Variants in USP47 observed in about 807,000 individuals in gnomAD.
USP47 encodes ubiquitin specific peptidase 47.
A neutral mutation model predicts 165.1 loss-of-function variants in USP47; 35 were observed. The ratio of observed to expected loss-of-function variants is 0.21; its 90% CI spans 0.16 to 0.28. The LOEUF (loss-of-function observed/expected upper bound fraction) is 0.28, where lower values mean the gene tolerates loss of function less well. Among genes scored for constraint, USP47 ranks in the 10% least tolerant of loss-of-function variants. The pLI is 1.00. For synonymous variants in USP47, 531 were observed against 544.5 expected (o/e 0.98, Z 0.35); for missense variants, 1,277 against 1,607.4 (o/e 0.79, Z 3.52).
intron 1 of USP47, among the ~76,000 whole-genome samples, chr11:11,845,553 C>T (rs1848380386): frequency 2.0e-5 from 3 of 151,340 alleles, no homozygotes. Context: ...GTTGTGAATT[C>T]CTTGACAGCA....
At chr11:11,863,880 G>T (rs1849518470) in intron 1 of USP47, among the ~76,000 whole-genome samples, 1 of 151,970 alleles carries the variant, frequency 6.6e-6, no homozygotes, top group South Asian at 2.1e-4. Context: ...GCAGTACAAG[G>T]TATCCCAAAT....
rs1564894305 is a variant in USP47, at chr11:11,948,513, A to AT, written c.3303_3304insT (p.Glu1102Ter). On this transcript the variant is annotated frameshift_variant, in exon 22 of 28. Transcript: ENST00000527733. LOFTEE classifies it high-confidence loss of function. ...GACTGGGGAGAGCACTTAAAAAAGG[A>AT]GAATACAGAGTTAAAGTATACCAGC... 1 of 1,613,210 alleles carries AT rather than the reference A, an allele frequency of 6.2e-7. No homozygotes were observed. Among genetic ancestry groups the AT allele is most frequent in the Admixed American group, 1.7e-5 (1 of 59,982 alleles).
chr11:11,943,311 T>C, intron 20 of USP47, 199 bp downstream of exon 20: 1 of 435,892 alleles, frequency 2.3e-6, no homozygotes, highest in South Asian at 9.0e-5. Context: ...ATCAGAACTC[T>C]GAGATAAGAA....
intron 1 of USP47, among the ~76,000 whole-genome samples, chr11:11,879,233 C>G (rs1000541859): frequency 3.9e-5 from 6 of 151,978 alleles, no homozygotes; most frequent in Non-Finnish European, 8.8e-5. Flanking sequence ...GGAGGTAGTT[C>G]AAGAGATATT....
intron 3 of USP47, among the ~76,000 whole-genome samples, chr11:11,885,554 C>G (rs1018979289): frequency 6.6e-6 from 1 of 152,098 alleles, no homozygotes; most frequent in Non-Finnish European, 1.5e-5. Flanking sequence ...CAGGAGCCCA[C>G]GCCACCAGGG....
At chr11:11,848,585 T>TA in intron 1 of USP47, among the ~76,000 whole-genome samples, 1 of 151,948 alleles carries the variant, frequency 6.6e-6, no homozygotes, top group Non-Finnish European at 1.5e-5. Flanking sequence ...TTTTGATACT[T>TA]ACTTCCATAT....
chr11:11,936,335 T>C lies in USP47; in HGVS notation c.1902T>C (p.Asp634=). ...ATTTAGAAGAGGTAATACCCCTGGA[T>C]TGCTGTCGCCTTGTTAAATATGATG... ...MMDLEEVIPL[D]CCRLVKYDEF... The change falls in exon 17 of 28, where the codon GAT becomes GAC. Residue 634 remains aspartate (D), a synonymous_variant. Coordinates refer to ENST00000527733, the MANE Select transcript of USP47 (RefSeq NM_001282659.2). The C allele has an allele frequency of 6.2e-7, 1 of 1,603,826 alleles. No individual in the cohort carries two copies. The highest frequency in any genetic ancestry group is 8.5e-7 in the Non-Finnish European group (1 of 1,173,566).
At chr11:11,916,870 CCAGT>C (rs1853459187) in intron 8 of USP47, among the ~76,000 whole-genome samples, 1 of 152,112 alleles carries the variant, frequency 6.6e-6, no homozygotes, top group Non-Finnish European at 1.5e-5. Flanking sequence ...TGAATTGAGG[CCAGT>C]CACAGTGGCT....
intron 1 of USP47, 79 bp from the exon 2 acceptor site, chr11:11,880,098 C>T: frequency 1.0e-6 from 1 of 1,002,054 alleles, no homozygotes; most frequent in Non-Finnish European, 1.4e-6. Context: ...TACATTTAAT[C>T]ATAAAATTTT....
chr11:11,951,681 A>G (rs1856236575), intron 24 of USP47: 1 of 152,166 alleles, frequency 6.6e-6, no homozygotes, highest in African/African-American at 2.4e-5. Flanking sequence ...TAATACTAAC[A>G]CCTCATGTAT....
At chr11:11,922,225 A>C (rs1419325343) in intron 10 of USP47, among the ~76,000 whole-genome samples, 1 of 151,956 alleles carries the variant, frequency 6.6e-6, no homozygotes, top group African/African-American at 2.4e-5. Context: ...TACTTCCTGT[A>C]AAAAGACTAT....
intron 11 of USP47, among the ~76,000 whole-genome samples, chr11:11,926,326 G>T (rs1159853306): frequency 3.3e-5 from 5 of 152,056 alleles, no homozygotes; most frequent in Admixed American, 2.6e-4. Context: ...TCTTTGTTGG[G>T]AGGTTTTTGA....
chr11:11,928,633 C>T (rs1263890236), intron 11 of USP47, among the ~76,000 whole-genome samples: 1 of 151,938 alleles, frequency 6.6e-6, no homozygotes, highest in East Asian at 1.9e-4. Flanking sequence ...TTCTGTCTTC[C>T]TACCTGTTCT....
At chr11:11,907,840 A>T (rs1852673352) in intron 8 of USP47, among the ~76,000 whole-genome samples, 1 of 152,198 alleles carries the variant, frequency 6.6e-6, no homozygotes, top group South Asian at 2.1e-4. Context: ...TCACACCTGT[A>T]ATCCCAGCAC....
In USP47 at chr11:11,954,929, T is replaced by C; in HGVS notation, c.3747T>C (p.Asp1249=). The C allele has an allele frequency of 6.2e-7, 1 of 1,613,944 alleles. No individual in the cohort carries two copies. The highest frequency in any genetic ancestry group is 8.5e-7 in the Non-Finnish European group (1 of 1,179,964). ...AAATCAGTGGGATTCCTTTGGATGA[T>C]ATTGAATTTGCTAAGGTAAAGCCCT... ...LSEISGIPLD[D]IEFAKGRGTF... Residue 1249 remains aspartate, a synonymous_variant, in exon 26 of 28, where the codon GAT becomes GAC. Transcript: ENST00000527733.
chr11:11,936,019 C>T (rs563936223), intron 16 of USP47, among the ~76,000 whole-genome samples: 1 of 151,854 alleles, frequency 6.6e-6, no homozygotes, highest in African/African-American at 2.4e-5. Context: ...GATTTTGTTT[C>T]TACACCTAAA....
At chr11:11,949,744 T>C (rs1489265682) in intron 22 of USP47, 145 bp from the exon 23 acceptor site, 2 of 567,588 alleles carry the variant, frequency 3.5e-6, no homozygotes, top group Non-Finnish European at 6.1e-6. Context: ...ATAGTGGAGC[T>C]AAGGTTTCAA....
chr11:11,915,386 C>T (rs1313530779), intron 8 of USP47, among the ~76,000 whole-genome samples: 1 of 152,056 alleles, frequency 6.6e-6, no homozygotes, highest in Non-Finnish European at 1.5e-5. Context: ...GAGGGTGGCA[C>T]AAGTTATCCT....
chr11:11,872,085 T>C (rs1461057888), intron 1 of USP47, among the ~76,000 whole-genome samples: 1 of 152,192 alleles, frequency 6.6e-6, no homozygotes, highest in Admixed American at 6.5e-5. Flanking sequence ...AAGGTTAGGC[T>C]GAAACAGCTT....
Sources: allele counts gnomAD v4.1 joint callset (sites outside exome capture counted in the v4.1 genomes callset), GRCh38; gene constraint gnomAD v4.1.1; transcripts MANE v1.5; gene names NCBI Gene and HGNC (gene_info 2026-07-23, HGNC 2026-07-21).